Variants in KCTD1 observed in about 807,000 individuals in gnomAD.
KCTD1 encodes the protein potassium channel tetramerization domain containing 1.
Under a neutral mutation model 66.0 loss-of-function variants are expected in KCTD1, and 24 were observed. The observed-to-expected ratio is 0.36, with a 90% confidence interval of 0.26 to 0.51. KCTD1 has a LOEUF of 0.51. Among genes scored for constraint, KCTD1 ranks in the 20% least tolerant of loss-of-function variants. The probability of loss-of-function intolerance (pLI) is 0.95; values close to 1 mark genes in which losing one functional copy is unlikely to be tolerated. For synonymous variants in KCTD1, 511 were observed against 517.2 expected (o/e 0.99, Z 0.16); for missense variants, 943 against 1,205.2 (o/e 0.78, Z 3.22).
At chr18:26,481,364 C>G (rs1278490781) in intron 2 of KCTD1, among the ~76,000 whole-genome samples, 1 of 152,190 alleles carries the variant, frequency 6.6e-6, no homozygotes, top group Non-Finnish European at 1.5e-5. Flanking sequence ...TGGCCAGGTA[C>G]AGGGGCAGGA....
At chr18:26,600,106 G>T (rs1472162932) in intron 1 of KCTD1, 1 of 1,610,530 alleles carries the variant, frequency 6.2e-7, no homozygotes, top group Non-Finnish European at 8.5e-7. Context: ...CCTGCAGGCT[G>T]CTTCTTGTGG....
chr18:26,502,800 A>C (rs999319835), intron 1 of KCTD1, among the ~76,000 whole-genome samples: 3 of 152,264 alleles, frequency 2.0e-5, no homozygotes, highest in Non-Finnish European at 4.4e-5. Context: ...GCCAGGGATA[A>C]GGCACACTGA....
At chr18:26,497,775 A>C (rs919367444) in intron 2 of KCTD1, among the ~76,000 whole-genome samples, 3 of 152,172 alleles carry the variant, frequency 2.0e-5, no homozygotes, top group Non-Finnish European at 2.9e-5. Flanking sequence ...GGCTTGTTTC[A>C]AAGAGTCTTG....
intron 1 of KCTD1, among the ~76,000 whole-genome samples, chr18:26,558,163 A>T (rs911007796): frequency 2.6e-5 from 4 of 152,232 alleles, no homozygotes; most frequent in Non-Finnish European, 5.9e-5. Flanking sequence ...TACATTTCTC[A>T]AAAGAAGACA....
chr18:26,517,974 G>C (rs1323516972), intron 1 of KCTD1, among the ~76,000 whole-genome samples: 1 of 152,226 alleles, frequency 6.6e-6, no homozygotes, highest in African/African-American at 2.4e-5. Flanking sequence ...CCAGGGCAAA[G>C]TGTTTTCAAA....
Position 26,547,593 on chromosome 18 carries a change from C to G in KCTD1, c.944G>C (p.Cys315Ser). The change falls in exon 1 of 5, where the codon TGC becomes TCC. Residue 315 changes from cysteine (C) to serine (S), a missense_variant. Coordinates refer to ENST00000580059, the MANE Select transcript of KCTD1 (RefSeq NM_001142730.3). Reference protein sequence around the residue: ...GLLNKVWFETCMYFCTRGREN... With the variant: ...GLLNKVWFETSMYFCTRGREN... ...GCGGCCGCGGGTACAGAAGTACATGCACGTCTCGAACCAGACCTTGTTGAG... is the reference window on the plus strand; with the variant it reads ...GCGGCCGCGGGTACAGAAGTACATGGACGTCTCGAACCAGACCTTGTTGAG... 2 of 1,551,446 alleles carry G rather than the reference C, an allele frequency of 1.3e-6. No individual in the cohort carries two copies. Among genetic ancestry groups the G allele is most frequent in the Non-Finnish European group, 1.7e-6 (2 of 1,146,816 alleles).
upstream of KCTD1, among the ~76,000 whole-genome samples, chr18:26,645,188 T>C (rs898536089): frequency 6.6e-6 from 1 of 152,194 alleles, no homozygotes; most frequent in Admixed American, 6.5e-5. Flanking sequence ...TCAAAAGGCT[T>C]CAAAAGAGGG....
At chr18:26,500,658 CTCT>C (rs923256730) in intron 2 of KCTD1, among the ~76,000 whole-genome samples, 54 of 152,292 alleles carry the variant, frequency 3.5e-4, no homozygotes, top group African/African-American at 1.2e-3. Flanking sequence ...TGCTGAGAAT[CTCT>C]TTTTTTTCTA....
chr18:26,622,322 A>G (rs2145019218), intron 1 of KCTD1, among the ~76,000 whole-genome samples: 1 of 152,328 alleles, frequency 6.6e-6, no homozygotes, highest in East Asian at 1.9e-4. Flanking sequence ...GTTTTCTTCA[A>G]GCTCTACATT....
intron 1 of KCTD1, among the ~76,000 whole-genome samples, chr18:26,510,122 A>G (rs529580556): frequency 3.7e-4 from 57 of 152,356 alleles, no homozygotes; most frequent in African/African-American, 1.4e-3. Flanking sequence ...AACTACTCTA[A>G]GGTCGCTGAG....
At chr18:26,571,255 GGTAA>G (rs1297865920) in intron 1 of KCTD1, among the ~76,000 whole-genome samples, 3 of 152,106 alleles carry the variant, frequency 2.0e-5, no homozygotes, top group South Asian at 2.1e-4. Context: ...TGAACGAATG[GGTAA>G]GTAAGTAAAT....
At chr18:26,619,225 G>A (rs1293061095) in intron 1 of KCTD1, among the ~76,000 whole-genome samples, 1 of 152,138 alleles carries the variant, frequency 6.6e-6, no homozygotes, top group East Asian at 1.9e-4. Context: ...AGATGCCACT[G>A]GTATACCCAC....
chr18:26,627,598 C>T (rs1037701840), intron 1 of KCTD1, among the ~76,000 whole-genome samples: 1 of 152,154 alleles, frequency 6.6e-6, no homozygotes, highest in African/African-American at 2.4e-5. Context: ...AGGAAATGCT[C>T]TGTTGTAATG....
At chr18:26,482,319 G>C (rs570732799) in intron 2 of KCTD1, among the ~76,000 whole-genome samples, 1 of 152,262 alleles carries the variant, frequency 6.6e-6, no homozygotes, top group East Asian at 1.9e-4. Flanking sequence ...ACCCTACACT[G>C]AACTGAACCA....
intron 1 of KCTD1, among the ~76,000 whole-genome samples, chr18:26,536,558 G>C (rs1449238787): frequency 6.6e-6 from 1 of 152,084 alleles, no homozygotes; most frequent in African/African-American, 2.4e-5. Context: ...CCATTTCTGA[G>C]ATACTAATAC....
chr18:26,629,328 G>A, upstream of KCTD1: 1 of 284,806 alleles, frequency 3.5e-6, no homozygotes, highest in Non-Finnish European at 5.3e-6. Flanking sequence ...AACCATAAGT[G>A]AAACAGATCA....
chr18:26,487,717 T>G (rs1050723697), intron 2 of KCTD1, among the ~76,000 whole-genome samples: 1 of 152,214 alleles, frequency 6.6e-6, no homozygotes, highest in African/African-American at 2.4e-5. Flanking sequence ...GTCTACGCCC[T>G]TCTGGGCTTA....
chr18:26,503,350 G>GC (rs1982864777), intron 1 of KCTD1, among the ~76,000 whole-genome samples: 1 of 152,100 alleles, frequency 6.6e-6, no homozygotes, highest in South Asian at 2.1e-4. Context: ...ATATGAAACA[G>GC]GTAAGGTTCA....
chr18:26,495,179 C>T (rs1005899207), intron 2 of KCTD1, among the ~76,000 whole-genome samples: 1 of 151,912 alleles, frequency 6.6e-6, no homozygotes, highest in Non-Finnish European at 1.5e-5. Context: ...CCCATGTCTA[C>T]GAACTGTAGT....
Sources: gnomAD v4.1 joint callset for allele counts (sites outside exome capture counted in the v4.1 genomes callset) on GRCh38, gnomAD v4.1.1 for gene constraint, MANE v1.5 for transcripts, NCBI Gene and HGNC (gene_info 2026-07-23, HGNC 2026-07-21) for gene names.